Variants in GALNT13 observed in about 807,000 individuals in gnomAD.
GALNT13 encodes the protein polypeptide N-acetylgalactosaminyltransferase 13.
In GALNT13, 28 loss-of-function variants were observed where a neutral mutation model predicts 64.2. The ratio of observed to expected loss-of-function variants is 0.44; its 90% CI spans 0.32 to 0.60. The LOEUF is 0.60. Ranked by LOEUF, GALNT13 falls within the 20% of genes least tolerant of loss-of-function variation. The probability of loss-of-function intolerance (pLI) is 0.05; values close to 1 mark genes in which losing one functional copy is unlikely to be tolerated. For missense variants in GALNT13, 577 were observed against 669.8 expected (o/e 0.86, Z 1.53); for synonymous variants, 214 against 224.6 (o/e 0.95, Z 0.42).
At chr2:154,321,631 A>G (rs1694628033) in intron 9 of GALNT13, among the ~76,000 whole-genome samples, 1 of 152,124 alleles carries the variant, frequency 6.6e-6, no homozygotes, top group Non-Finnish European at 1.5e-5. Flanking sequence ...ACCACAGAGA[A>G]CATTTGTGAG....
intron 4 of GALNT13, among the ~76,000 whole-genome samples, chr2:154,208,645 TGTG>T (rs1324915808): frequency 1.3e-4 from 18 of 140,202 alleles, no homozygotes; most frequent in African/African-American, 4.8e-4. Flanking sequence ...TGTGTGTGTG[TGTG>T]TGTGTGTGTG....
the GALNT13 span, among the ~76,000 whole-genome samples, chr2:153,712,445 A>G: frequency 6.6e-6 from 1 of 152,260 alleles, no homozygotes; most frequent in African/African-American, 2.4e-5. Context: ...GTATCAGGAT[A>G]AGTTTGTCAT....
rs184914118 is a variant in GALNT13, at chr2:154,015,423, T to C, written c.142+70784T>C. On this transcript the variant is annotated intron_variant, in intron 3 of 12. Transcript: ENST00000392825. Reference sequence around the variant, plus strand: ...TGCTGATGTAGGTACTTCCAATCATTAGGTGGGATTCTGCCACTATATCAA... The same window carrying C: ...TGCTGATGTAGGTACTTCCAATCATCAGGTGGGATTCTGCCACTATATCAA... Among the ~76,000 whole-genome samples, 15 of 152,304 alleles carry C rather than the reference T, an allele frequency of 9.8e-5. No homozygotes were observed. The East Asian group carries it at 2.9e-3, about 29-fold the overall frequency.
At chr2:154,276,841 A>C (rs567902467) in intron 8 of GALNT13, among the ~76,000 whole-genome samples, 2 of 152,156 alleles carry the variant, frequency 1.3e-5, no homozygotes, top group African/African-American at 4.8e-5. Flanking sequence ...TGGTTTTACA[A>C]AGGGCTTTTC....
chr2:153,319,172 A>G, the GALNT13 span, among the ~76,000 whole-genome samples: 1 of 152,218 alleles, frequency 6.6e-6, no homozygotes, highest in Non-Finnish European at 1.5e-5. Flanking sequence ...GCAAACAATA[A>G]TATTTCCCAC....
chr2:153,132,742 C>T, the GALNT13 span, among the ~76,000 whole-genome samples: 1 of 152,096 alleles, frequency 6.6e-6, no homozygotes, highest in African/African-American at 2.4e-5. Flanking sequence ...TTTTTTAAGA[C>T]AAGTTCTCAC....
At chr2:154,323,539 T>G (rs972633125) in intron 9 of GALNT13, among the ~76,000 whole-genome samples, 17 of 152,134 alleles carry the variant, frequency 1.1e-4, no homozygotes, top group African/African-American at 4.1e-4. Context: ...GGTTGATTTA[T>G]TTTGGATTAG....
chr2:153,797,231 A>G, the GALNT13 span, among the ~76,000 whole-genome samples: 1 of 152,330 alleles, frequency 6.6e-6, no homozygotes, highest in Middle Eastern at 3.4e-3. Flanking sequence ...CAGTAAAAGC[A>G]TCTAGTACTC....
chr2:153,158,803 T>C, the GALNT13 span: 1 of 152,262 alleles, frequency 6.6e-6, no homozygotes, highest in Non-Finnish European at 1.5e-5. Context: ...CTAAAGATTC[T>C]ATGTCAAAAT....
chr2:153,351,493 C>A, the GALNT13 span, among the ~76,000 whole-genome samples: 1 of 152,118 alleles, frequency 6.6e-6, no homozygotes, highest in Non-Finnish European at 1.5e-5. Flanking sequence ...CCATAGTTTA[C>A]GTTAGTTCAC....
the GALNT13 span, among the ~76,000 whole-genome samples, chr2:153,597,378 T>C: frequency 6.6e-6 from 1 of 152,188 alleles, no homozygotes; most frequent in East Asian, 1.9e-4. Context: ...TGACATTAAA[T>C]GGTTGAAAGC....
chr2:153,427,165 A>T, the GALNT13 span, among the ~76,000 whole-genome samples: 2 of 152,112 alleles, frequency 1.3e-5, no homozygotes, highest in Admixed American at 6.6e-5. Flanking sequence ...ATTAGGTCCC[A>T]TTTATTAAAC....
intron 9 of GALNT13, among the ~76,000 whole-genome samples, chr2:154,348,308 G>A (rs1574132753): frequency 6.6e-6 from 1 of 151,874 alleles, no homozygotes; most frequent in Middle Eastern, 3.4e-3. Context: ...CCAAATGAAT[G>A]GCTACCCAAA....
At chr2:153,118,558 A>C in the GALNT13 span, among the ~76,000 whole-genome samples, 1 of 152,158 alleles carries the variant, frequency 6.6e-6, no homozygotes, top group Non-Finnish European at 1.5e-5. Context: ...TAGGCTGTGG[A>C]TACTAGAGGT....
chr2:153,673,618 C>T, the GALNT13 span, among the ~76,000 whole-genome samples: 2 of 152,262 alleles, frequency 1.3e-5, no homozygotes, highest in East Asian at 3.9e-4. Context: ...TGGGCAAAAG[C>T]TGGAAGCATT....
chr2:153,668,655 A>G, the GALNT13 span, among the ~76,000 whole-genome samples: 2 of 152,012 alleles, frequency 1.3e-5, no homozygotes. Context: ...GTGCCCTAGG[A>G]TGTGTTCCTG....
the GALNT13 span, among the ~76,000 whole-genome samples, chr2:153,565,876 G>T: frequency 6.6e-6 from 1 of 151,452 alleles, no homozygotes; most frequent in Non-Finnish European, 1.5e-5. Flanking sequence ...CCCTCTGTTT[G>T]GTTTATTAAT....
At chr2:153,240,998 C>T in the GALNT13 span, among the ~76,000 whole-genome samples, 1 of 151,994 alleles carries the variant, frequency 6.6e-6, no homozygotes, top group Non-Finnish European at 1.5e-5. Context: ...GGGAGATTTC[C>T]AGACAAAGAA....
At chr2:154,042,116 T>C (rs1480836760) in intron 3 of GALNT13, among the ~76,000 whole-genome samples, 2 of 140,404 alleles carry the variant, frequency 1.4e-5, no homozygotes, top group African/African-American at 2.4e-5. Flanking sequence ...TATCAAGTCA[T>C]AGAGATTATA....
Sources: gnomAD v4.1 joint callset for allele counts (sites outside exome capture counted in the v4.1 genomes callset) on GRCh38, gnomAD v4.1.1 for gene constraint, MANE v1.5 for transcripts, NCBI Gene and HGNC (gene_info 2026-07-23, HGNC 2026-07-21) for gene names.